Variants in ATP8A1 observed in about 807,000 individuals in gnomAD.
ATP8A1 encodes the protein phospholipid-transporting ATPase IA.
In ATP8A1, 90 loss-of-function variants were observed where a neutral mutation model predicts 177.7. That is an observed-to-expected ratio of 0.51 (90% confidence interval 0.43 to 0.60). The LOEUF (loss-of-function observed/expected upper bound fraction) is 0.60, where lower values mean the gene tolerates loss of function less well. ATP8A1 is among the 20% of genes least tolerant of loss of function. The pLI is 0.00. For synonymous variants in ATP8A1, 493 were observed against 485.9 expected (o/e 1.01, Z -0.19); for missense variants, 1,072 against 1,392.8 (o/e 0.77, Z 3.67).
intron 1 of ATP8A1, among the ~76,000 whole-genome samples, chr4:42,638,696 T>C (rs1739632595): frequency 6.6e-6 from 1 of 152,212 alleles, no homozygotes; most frequent in Non-Finnish European, 1.5e-5. Flanking sequence ...GATAACTTTA[T>C]CTGACAGAAG....
intron 4 of ATP8A1, among the ~76,000 whole-genome samples, chr4:42,617,467 A>G (rs1176073273): frequency 6.6e-6 from 1 of 152,254 alleles, no homozygotes; most frequent in Non-Finnish European, 1.5e-5. Context: ...TTAAATGTTT[A>G]AAGTTCTGTT....
At chr4:42,536,921 T>C (rs1727886351) in intron 20 of ATP8A1, among the ~76,000 whole-genome samples, 2 of 151,922 alleles carry the variant, frequency 1.3e-5, no homozygotes, top group Non-Finnish European at 2.9e-5. Flanking sequence ...ACCTGAGGTC[T>C]GGAGTTCGAG....
At chr4:42,614,108 G>A (rs1290864597) in intron 5 of ATP8A1, among the ~76,000 whole-genome samples, 1 of 152,016 alleles carries the variant, frequency 6.6e-6, no homozygotes, top group Non-Finnish European at 1.5e-5. Flanking sequence ...TCTATGAAGG[G>A]GACTCATGAA....
chr4:42,593,990 A>G (rs1734466332), intron 6 of ATP8A1, among the ~76,000 whole-genome samples: 1 of 152,126 alleles, frequency 6.6e-6, no homozygotes, highest in South Asian at 2.1e-4. Context: ...ATTATATAAA[A>G]TAAATGACAG....
chr4:42,656,938 G>A lies in ATP8A1; in HGVS notation c.-65C>T. 7.0e-7 allele frequency: 1 copy of A among 1,425,032 alleles called. No homozygotes were observed. The highest frequency in any genetic ancestry group is 9.3e-7 in the Non-Finnish European group (1 of 1,070,202). 88.3% of individuals were successfully genotyped at this position (1,425,032 alleles called of 1,614,324 possible). ...GCACCTGTCACGGCGTGGTACACGCGGGAGACCCGGCTGCGCCGCGCAGAG... is the reference window on the plus strand; with the variant it reads ...GCACCTGTCACGGCGTGGTACACGCAGGAGACCCGGCTGCGCCGCGCAGAG... On this transcript the variant is annotated 5_prime_UTR_variant, in exon 1 of 37. Coordinates refer to ENST00000381668, the MANE Select transcript of ATP8A1 (RefSeq NM_006095.2).
intron 1 of ATP8A1, among the ~76,000 whole-genome samples, chr4:42,639,831 C>T (rs1158046900): frequency 6.6e-6 from 1 of 152,162 alleles, no homozygotes; most frequent in Non-Finnish European, 1.5e-5. Flanking sequence ...TCTGCAGATG[C>T]TCAATTACCT....
intron 24 of ATP8A1, among the ~76,000 whole-genome samples, chr4:42,488,469 A>G (rs969808966): frequency 6.6e-6 from 1 of 152,002 alleles, no homozygotes; most frequent in Non-Finnish European, 1.5e-5. Context: ...TGCCCACACC[A>G]GTCCCTCTGT....
chr4:42,576,937 C>G (rs1732522191), intron 12 of ATP8A1, among the ~76,000 whole-genome samples: 1 of 152,132 alleles, frequency 6.6e-6, no homozygotes, highest in Non-Finnish European at 1.5e-5. Flanking sequence ...CATTCAGAAA[C>G]AAGATTAAGC....
At chr4:42,640,506 C>T (rs763772769) in intron 1 of ATP8A1, among the ~76,000 whole-genome samples, 40 of 152,136 alleles carry the variant, frequency 2.6e-4, no homozygotes, top group Non-Finnish European at 4.1e-4. Context: ...GATCAGTAAG[C>T]CTCCACTGAC....
chr4:42,560,769 C>T (rs1212861755), intron 15 of ATP8A1, among the ~76,000 whole-genome samples: 1 of 152,062 alleles, frequency 6.6e-6, no homozygotes, highest in Non-Finnish European at 1.5e-5. Context: ...TGGTAGCCTG[C>T]ACTTAGGTTG....
rs183679428 is a variant in ATP8A1 at position 42,458,605 on chromosome 4, A to G, written c.2620-3006T>C. On this transcript the variant is annotated intron_variant, in intron 27 of 36. Coordinates refer to ENST00000381668, the MANE Select transcript of ATP8A1 (RefSeq NM_006095.2). ...TTATACCACCATCTGCCAAATCTGT[A>G]TTCGTCTGGCTGTAATTTACAGCAA... 7.2e-5 allele frequency among the ~76,000 whole-genome samples: 11 copies of G among 152,360 alleles called. No individual in the cohort carries two copies. The East Asian group carries it at 2.1e-3, about 29-fold the overall frequency.
At chr4:42,585,547 C>G (rs1733531189) in intron 9 of ATP8A1, among the ~76,000 whole-genome samples, 1 of 147,836 alleles carries the variant, frequency 6.8e-6, no homozygotes, top group South Asian at 2.2e-4. Flanking sequence ...AGAAACAGGC[C>G]CCAGCAGACA....
chr4:42,445,264 T>C (rs1389650121), intron 31 of ATP8A1, among the ~76,000 whole-genome samples: 1 of 152,194 alleles, frequency 6.6e-6, no homozygotes, highest in Non-Finnish European at 1.5e-5. Flanking sequence ...GTACTTGCCA[T>C]GGAGTCAGAC....
chr4:42,557,386 A>G (rs1730351505), intron 15 of ATP8A1, among the ~76,000 whole-genome samples: 1 of 152,226 alleles, frequency 6.6e-6, no homozygotes, highest in African/African-American at 2.4e-5. Context: ...AAATTTTCCT[A>G]TTAAAATATA....
At chr4:42,459,507 T>C (rs941703234) in intron 27 of ATP8A1, 47 of 356,582 alleles carry the variant, frequency 1.3e-4, no homozygotes, top group African/African-American at 9.6e-4. Flanking sequence ...ACTGTATAAA[T>C]TGTTATTTGC....
At chr4:42,466,880 T>A (rs1719832745) in intron 25 of ATP8A1, among the ~76,000 whole-genome samples, 1 of 152,218 alleles carries the variant, frequency 6.6e-6, no homozygotes, top group African/African-American at 2.4e-5. Context: ...ATAGTTGACA[T>A]TTAGTAAATG....
intron 9 of ATP8A1, among the ~76,000 whole-genome samples, chr4:42,584,531 T>C (rs1037732502): frequency 1.1e-4 from 17 of 152,200 alleles, no homozygotes; most frequent in Non-Finnish European, 2.1e-4. Flanking sequence ...TCAGACTCAG[T>C]TTTGGTCCCC....
chr4:42,432,927 A>G (rs189638681), intron 33 of ATP8A1, among the ~76,000 whole-genome samples: 98 of 152,308 alleles, frequency 6.4e-4, no homozygotes, highest in African/African-American at 2.1e-3. Context: ...TCAAAATATA[A>G]TTATCTTCAT....
At chr4:42,472,981 T>C (rs548929561) in intron 25 of ATP8A1, among the ~76,000 whole-genome samples, 13 of 152,060 alleles carry the variant, frequency 8.5e-5, no homozygotes, top group Non-Finnish European at 1.9e-4. Flanking sequence ...TAAACGTAAA[T>C]GGAAAAGGCA....
Sources: gnomAD v4.1 joint callset for allele counts (sites outside exome capture counted in the v4.1 genomes callset) on GRCh38, gnomAD v4.1.1 for gene constraint, MANE v1.5 for transcripts, NCBI Gene and HGNC (gene_info 2026-07-23, HGNC 2026-07-21) for gene names.